CRACD: variants seen among roughly 807,000 people sequenced by gnomAD.
CRACD encodes the protein capping protein-inhibiting regulator of actin dynamics.
Under a neutral mutation model 106.8 loss-of-function variants are expected in CRACD, and 56 were observed. The observed-to-expected ratio is 0.52, with a 90% confidence interval of 0.42 to 0.66. The LOEUF (loss-of-function observed/expected upper bound fraction) is 0.66, where lower values mean the gene tolerates loss of function less well. CRACD is among the 30% of genes least tolerant of loss of function. The pLI is 0.00. For missense variants in CRACD, 1,730 were observed against 1,623.2 expected, an observed-to-expected ratio of 1.07 and a Z score of -1.13; for synonymous variants, 754 against 670.8, an observed-to-expected ratio of 1.12 and a Z score of -1.92.
Position 56,166,639 on chromosome 4 carries a change from A to C in CRACD, c.-335-12645A>C, listed in dbSNP as rs146270881. The stretch of plus-strand genomic sequence containing the variant: ...AGGTTGCAGTGAGCCACACCACTGC[A>C]CTCTAGCCTGGGTGAGACAGAGAGA... On this transcript the variant is annotated intron_variant, in intron 1 of 10. Coordinates refer to ENST00000682029, the MANE Select transcript of CRACD (RefSeq NM_001393381.1). 1.7e-4 allele frequency among the ~76,000 whole-genome samples: 23 copies of C among 131,818 alleles called. No homozygotes were observed. In the Admixed American group the frequency reaches 2.1e-3, roughly 12 times the overall value. 86.5% of individuals were successfully genotyped at this position (131,818 alleles called of 152,430 possible). A position where few individuals can be genotyped will look rare whatever the true frequency, so the allele number is the denominator to read the frequency against.
intron 3 of CRACD, among the ~76,000 whole-genome samples, chr4:56,292,958 C>A (rs188165396): frequency 6.6e-6 from 1 of 152,246 alleles, no homozygotes; most frequent in East Asian, 1.9e-4. Flanking sequence ...TTCAGATAGA[C>A]TTTCAAATAA....
At chr4:56,083,584 C>T (rs1043255916) in intron 1 of CRACD, among the ~76,000 whole-genome samples, 7 of 151,704 alleles carry the variant, frequency 4.6e-5, no homozygotes, top group African/African-American at 1.7e-4. Flanking sequence ...AATAGAAAAA[C>T]ACTTCACATT....
At chr4:56,206,208 C>G in intron 2 of CRACD, among the ~76,000 whole-genome samples, 1 of 152,158 alleles carries the variant, frequency 6.6e-6, no homozygotes, top group East Asian at 1.9e-4. Flanking sequence ...CTGAAAATAA[C>G]AGTAGCATAA....
At chr4:56,293,238 AGG>A (rs1743799675) in intron 3 of CRACD, among the ~76,000 whole-genome samples, 2 of 152,188 alleles carry the variant, frequency 1.3e-5, no homozygotes, top group Non-Finnish European at 2.9e-5. Flanking sequence ...TTAACATGGG[AGG>A]ATCAGAGAGA....
At chr4:56,065,763 C>T (rs1732447250) in intron 1 of CRACD, among the ~76,000 whole-genome samples, 1 of 152,110 alleles carries the variant, frequency 6.6e-6, no homozygotes, top group South Asian at 2.1e-4. Context: ...GTTATCTAAC[C>T]ATCATCACTG....
chr4:56,092,475 A>G (rs887009162), intron 1 of CRACD, among the ~76,000 whole-genome samples: 3 of 152,242 alleles, frequency 2.0e-5, no homozygotes, highest in Non-Finnish European at 4.4e-5. Context: ...AAGATTTAGT[A>G]TGAGAAAAAG....
intron 1 of CRACD, among the ~76,000 whole-genome samples, chr4:56,138,590 C>CA (rs144189826): frequency 0.01 from 1,581 of 151,342 alleles, 24 homozygotes; most frequent in African/African-American, 0.036. Flanking sequence ...ATATAACTTA[C>CA]AAAAAAAAAT....
At chr4:56,327,407 A>G (rs79008340) in intron 10 of CRACD, among the ~76,000 whole-genome samples, 15,259 of 152,144 alleles carry the variant, frequency 0.1, 977 homozygotes, top group East Asian at 0.26. Flanking sequence ...AGTTCAAGAG[A>G]CCTAAGAGAG....
At chr4:56,166,312 G>GTGCT (rs1034937866) in intron 1 of CRACD, among the ~76,000 whole-genome samples, 1 of 152,178 alleles carries the variant, frequency 6.6e-6, no homozygotes, top group African/African-American at 2.4e-5. Context: ...ATTTGTTGCA[G>GTGCT]TGCTATTTTA....
intron 1 of CRACD, among the ~76,000 whole-genome samples, chr4:56,062,507 G>A (rs1181512412): frequency 6.6e-6 from 1 of 152,172 alleles, no homozygotes; most frequent in Non-Finnish European, 1.5e-5. Context: ...AAACCGGCTT[G>A]TTCTTTATGT....
chr4:56,214,884 C>T (rs767249956), intron 2 of CRACD, among the ~76,000 whole-genome samples: 9 of 150,768 alleles, frequency 6.0e-5, no homozygotes, highest in Non-Finnish European at 1.0e-4. Context: ...TGGTGGTGTG[C>T]GCCTATAATC....
At chr4:56,309,196 G>A (rs1388934319) in intron 5 of CRACD, 2 of 353,154 alleles carry the variant, frequency 5.7e-6, no homozygotes, top group East Asian at 1.5e-4. Context: ...GTAGAGAGAG[G>A]TGCCAAGCCG....
intron 1 of CRACD, among the ~76,000 whole-genome samples, chr4:56,115,282 G>A (rs958052183): frequency 6.6e-6 from 1 of 152,070 alleles, no homozygotes; most frequent in African/African-American, 2.4e-5. Flanking sequence ...ATTTCACTAT[G>A]GACCTATTAA....
chr4:56,328,440 C>A lies in CRACD; in HGVS notation c.*636C>A. ...TCACATTTTTACCGCACTGTGGATT[C>A]ATAGTGTGGGGCCCTGTTATTCCAA... On this transcript the variant is annotated 3_prime_UTR_variant, in exon 11 of 11. Transcript: ENST00000682029. 1.9e-6 allele frequency: 1 copy of A among 517,330 alleles called. No individual in the cohort carries two copies. Among genetic ancestry groups the A allele is most frequent in the Admixed American group, 1.9e-5 (1 of 51,428 alleles). 32.0% of individuals were successfully genotyped at this position (517,330 alleles called of 1,614,324 possible). A position where few individuals can be genotyped will look rare whatever the true frequency, so the allele number is the denominator to read the frequency against.
intron 7 of CRACD, 42 bp downstream of exon 7, chr4:56,313,421 C>T (rs757891838): frequency 6.4e-5 from 99 of 1,553,708 alleles, no homozygotes; most frequent in Non-Finnish European, 8.3e-5. Flanking sequence ...GGTGCCCTTG[C>T]CTACTGGGCA....
chr4:56,081,792 A>G (rs529964867), intron 1 of CRACD, among the ~76,000 whole-genome samples: 69 of 152,240 alleles, frequency 4.5e-4, no homozygotes, highest in African/African-American at 1.7e-3. Flanking sequence ...CCTGGCCAAC[A>G]TGGCGAAACC....
At chr4:56,155,346 C>T (rs1258992279) in intron 1 of CRACD, among the ~76,000 whole-genome samples, 1 of 152,132 alleles carries the variant, frequency 6.6e-6, no homozygotes, top group Non-Finnish European at 1.5e-5. Flanking sequence ...CATGGCCAAC[C>T]TCATTGTCAA....
intron 2 of CRACD, among the ~76,000 whole-genome samples, chr4:56,225,238 C>T (rs1441626211): frequency 3.9e-5 from 6 of 152,088 alleles, no homozygotes; most frequent in African/African-American, 1.2e-4. Context: ...GATTATAGTA[C>T]GTACCACCAT....
At chr4:56,187,205 C>T (rs559068350) in intron 2 of CRACD, among the ~76,000 whole-genome samples, 70 of 152,062 alleles carry the variant, frequency 4.6e-4, no homozygotes, top group Middle Eastern at 3.4e-3. Flanking sequence ...AACAGATAAC[C>T]GGGTGAAGTG....
Sources: gnomAD v4.1 joint callset for allele counts (sites outside exome capture counted in the v4.1 genomes callset) on GRCh38, gnomAD v4.1.1 for gene constraint, MANE v1.5 for transcripts, NCBI Gene and HGNC (gene_info 2026-07-23, HGNC 2026-07-21) for gene names.